The following TFPI variants were observed in gnomAD, a reference collection of about 807,000 sequenced individuals.
TFPI encodes the protein anti-convertin.
A neutral mutation model predicts 34.6 loss-of-function variants in TFPI; 15 were observed. The observed-to-expected ratio is 0.43, with a 90% CI of 0.29 to 0.67. TFPI has a LOEUF of 0.67. TFPI is among the 30% of genes least tolerant of loss of function. The pLI, the probability that TFPI is intolerant of heterozygous loss-of-function variation, is 0.15. For missense variants in TFPI, 301 were observed against 364.0 expected (o/e 0.83, Z 1.41); for synonymous variants, 105 against 120.1 (o/e 0.87, Z 0.82).
At chr2:187,482,678 C>A (rs1692962448) in intron 6 of TFPI, among the ~76,000 whole-genome samples, 1 of 151,862 alleles carries the variant, frequency 6.6e-6, no homozygotes, top group Non-Finnish European at 1.5e-5. Flanking sequence ...CCTGAGACAG[C>A]CATCAATTTT....
rs758283776 is a variant in TFPI at position 187,467,740 on chromosome 2, G to C, written c.808+13C>G. ...AAACACTAGTCAATTAATGGGAAGAGTATCTTCTATACCTTTTTTACATGC... is the reference window on the plus strand; with the variant it reads ...AAACACTAGTCAATTAATGGGAAGACTATCTTCTATACCTTTTTTACATGC... On this transcript the variant is annotated intron_variant, in intron 7 of 7. Coordinates refer to ENST00000233156, the MANE Select transcript of TFPI (RefSeq NM_006287.6). 6.4e-7 allele frequency: 1 copy of C among 1,566,136 alleles called. No homozygotes were observed. The highest frequency in any genetic ancestry group is 8.6e-7 in the Non-Finnish European group (1 of 1,157,504).
chr2:187,490,450 T>C (rs1574411738), intron 3 of TFPI, among the ~76,000 whole-genome samples: 2 of 151,698 alleles, frequency 1.3e-5, no homozygotes, highest in South Asian at 2.1e-4. Context: ...AGGATTGTTG[T>C]GTCTTTTTTA....
intron 6 of TFPI, among the ~76,000 whole-genome samples, chr2:187,479,308 A>G (rs944606335): frequency 2.6e-5 from 4 of 151,990 alleles, no homozygotes; most frequent in Non-Finnish European, 5.9e-5. Flanking sequence ...TAGGACAGTG[A>G]TGTCAAAAAG....
At chr2:187,553,950 T>C (rs1440025605) in intron 1 of TFPI, among the ~76,000 whole-genome samples, 1 of 152,096 alleles carries the variant, frequency 6.6e-6, no homozygotes, top group Non-Finnish European at 1.5e-5. Flanking sequence ...TACAAAAATG[T>C]TTATGGTTTA....
In TFPI at chr2:187,466,749, A is replaced by G. The variant is rs956249019; in HGVS notation, c.*187T>C. The G allele has an allele frequency of 2.8e-6, 1 of 355,342 alleles. No homozygotes were observed. The highest frequency in any genetic ancestry group is 2.2e-5 in the African/African-American group (1 of 45,734). The allele number at this position is 355,342 out of a possible 1,614,324, so 22.0% of individuals were successfully genotyped here. A position where few individuals can be genotyped will look rare whatever the true frequency, so the allele number is the denominator to read the frequency against. ...TAGCCAGTTAATAAATTACAGACCT[A>G]GAATAAGCAATTTAACAAGATTAGA... On this transcript the variant is annotated 3_prime_UTR_variant, in exon 8 of 8. Coordinates refer to ENST00000233156, the MANE Select transcript of TFPI (RefSeq NM_006287.6).
chr2:187,464,391 T>A lies in TFPI; in HGVS notation c.*2545A>T, dbSNP rs916627528. On this transcript the variant is annotated 3_prime_UTR_variant, in exon 8 of 8. Transcript: ENST00000233156. ...TGTAATTCCATATACAATTCACAGT[T>A]AGATGCACTTAATTGTGGAAAATAA... 3.9e-5 allele frequency: 6 copies of A among 152,170 alleles called. No individual in the cohort carries two copies. Among genetic ancestry groups the A allele is most frequent in the African/African-American group, 1.2e-4 (5 of 41,448 alleles). The allele number at this position is 152,170 out of a possible 1,614,324, so 9.4% of individuals were successfully genotyped here.
intron 1 of TFPI, among the ~76,000 whole-genome samples, chr2:187,553,918 A>G (rs1312014639): frequency 1.3e-5 from 2 of 152,244 alleles, no homozygotes; most frequent in African/African-American, 2.4e-5. Context: ...AAATTATAAA[A>G]AAGCTACATA....
chr2:187,497,796 A>AT (rs1685585421), intron 2 of TFPI, among the ~76,000 whole-genome samples: 1 of 151,896 alleles, frequency 6.6e-6, no homozygotes, highest in African/African-American at 2.4e-5. Context: ...ACTCAACTAG[A>AT]TTTTTTAAAC....
intron 1 of TFPI, among the ~76,000 whole-genome samples, chr2:187,538,563 C>T (rs1688395156): frequency 6.6e-6 from 1 of 152,126 alleles, no homozygotes; most frequent in Admixed American, 6.6e-5. Flanking sequence ...AGGAGGGGAA[C>T]ATCACACACC....
At chr2:187,523,359 A>T (rs1463143992) in intron 1 of TFPI, among the ~76,000 whole-genome samples, 1 of 152,110 alleles carries the variant, frequency 6.6e-6, no homozygotes, top group Non-Finnish European at 1.5e-5. Flanking sequence ...AATATTGTTA[A>T]CCCATATGTC....
intron 1 of TFPI, among the ~76,000 whole-genome samples, chr2:187,523,402 T>C (rs1687511071): frequency 1.3e-5 from 2 of 152,136 alleles, no homozygotes; most frequent in African/African-American, 4.8e-5. Flanking sequence ...TAGAGGGCAG[T>C]GTCTGTGTGC....
intron 1 of TFPI, chr2:187,513,730 G>C (rs1686805382): frequency 6.6e-6 from 1 of 152,570 alleles, no homozygotes; most frequent in African/African-American, 2.4e-5. Context: ...AGTCCCAGGG[G>C]AAAACCCTAC....
chr2:187,500,608 G>A (rs1161618427), intron 2 of TFPI, among the ~76,000 whole-genome samples: 2 of 152,008 alleles, frequency 1.3e-5, no homozygotes, highest in Non-Finnish European at 2.9e-5. Context: ...AATTTTCTAG[G>A]AGAAACACTA....
intron 1 of TFPI, among the ~76,000 whole-genome samples, chr2:187,536,766 AT>A (rs1274567530): frequency 6.6e-6 from 1 of 152,012 alleles, no homozygotes; most frequent in African/African-American, 2.4e-5. Flanking sequence ...AATAAAGGGT[AT>A]TCAAATAGGA....
At chr2:187,481,759 C>A (rs998010221) in intron 6 of TFPI, among the ~76,000 whole-genome samples, 5 of 151,860 alleles carry the variant, frequency 3.3e-5, no homozygotes, top group Admixed American at 6.6e-5. Context: ...TATATACAAT[C>A]AAAAATAAAA....
At chr2:187,495,338 AACT>A in intron 3 of TFPI, among the ~76,000 whole-genome samples, 1 of 152,334 alleles carries the variant, frequency 6.6e-6, no homozygotes, top group Non-Finnish European at 1.5e-5. Context: ...AGGTACTGAC[AACT>A]AAGAATGATT....
chr2:187,478,475 T>A, intron 6 of TFPI: 1 of 650,554 alleles, frequency 1.5e-6, no homozygotes. Context: ...CCATGAATAG[T>A]TAGGTCCGGT....
At chr2:187,480,280 G>A (rs779437944) in intron 6 of TFPI, among the ~76,000 whole-genome samples, 11 of 151,750 alleles carry the variant, frequency 7.2e-5, no homozygotes, top group Non-Finnish European at 8.8e-5. Flanking sequence ...TCTAAGGCCT[G>A]GTGAATTAAG....
intron 3 of TFPI, 52 bp downstream of exon 3, chr2:187,496,829 A>G: frequency 6.8e-7 from 1 of 1,464,230 alleles, no homozygotes; most frequent in Non-Finnish European, 9.4e-7. Context: ...ATCCATAATT[A>G]GACTCAATAG....
Sources: allele counts gnomAD v4.1 joint callset (sites outside exome capture counted in the v4.1 genomes callset), GRCh38; gene constraint gnomAD v4.1.1; transcripts MANE v1.5; gene names NCBI Gene and HGNC (gene_info 2026-07-23, HGNC 2026-07-21).